ADAMTSL1: variants seen among roughly 807,000 people sequenced by gnomAD.
ADAMTSL1 encodes the protein ADAMTS-like protein 1.
ADAMTSL1 carries 126 observed loss-of-function variants against 201.8 expected under a neutral mutation model. The observed-to-expected ratio is 0.62, with a 90% CI of 0.54 to 0.72. The LOEUF is 0.72. ADAMTSL1 is among the 30% of genes least tolerant of loss of function. ADAMTSL1 has a pLI of 0.00. For synonymous variants in ADAMTSL1, 1,121 were observed against 903.4 expected, an observed-to-expected ratio of 1.24 and a Z score of -4.32; for missense variants, 2,679 against 2,277.8, an observed-to-expected ratio of 1.18 and a Z score of -3.59.
chr9:18,452,070 C>A (rs775621941), intron 2 of ADAMTSL1, among the ~76,000 whole-genome samples: 1 of 152,158 alleles, frequency 6.6e-6, no homozygotes, highest in African/African-American at 2.4e-5. Flanking sequence ...AGTGCCACCA[C>A]GCCTGGCTAA....
chr9:18,777,524 C>T lies in ADAMTSL1; in HGVS notation c.3295C>T (p.His1099Tyr), dbSNP rs1191247755. The change falls in exon 19 of 29, where the codon CAC (histidine) becomes TAC (tyrosine). Residue 1099 changes from histidine (H) to tyrosine (Y), a missense_variant. Coordinates refer to ENST00000380548, the MANE Select transcript of ADAMTSL1 (RefSeq NM_001040272.6). Reference protein sequence around the residue: ...PEELRDLYSKHLVAQLAQEIF... With the variant: ...PEELRDLYSKYLVAQLAQEIF... ...GGAGCTGCGCGACCTCTACAGCAAG[C>T]ACCTGGTGGCCCAGCTGGCCCAGGA... is the stretch of plus-strand genomic sequence containing the variant. 1 of 1,601,644 alleles carries T rather than the reference C, an allele frequency of 6.2e-7. No individual in the cohort carries two copies. Among genetic ancestry groups the T allele is most frequent in the South Asian group, 1.1e-5 (1 of 88,886 alleles).
chr9:18,250,721 GC>G (rs375983879), intron 2 of ADAMTSL1, among the ~76,000 whole-genome samples: 1 of 152,202 alleles, frequency 6.6e-6, no homozygotes, highest in African/African-American at 2.4e-5. Context: ...GGAAGAGGGG[GC>G]TTCTTGTTCC....
chr9:18,732,777 AC>A (rs1818288261), intron 15 of ADAMTSL1, among the ~76,000 whole-genome samples: 2 of 152,108 alleles, frequency 1.3e-5, no homozygotes, highest in African/African-American at 4.8e-5. Flanking sequence ...GAGTTAAGGC[AC>A]AGGGCATCTT....
Position 18,444,795 on chromosome 9 carries a change from T to C in ADAMTSL1, c.208-60034T>C, listed in dbSNP as rs77897661. ...CTTTTGTTCAAGTGCAGAAATGCCATATTTAATGTCTTTCCTCCTATTTAT... is the reference window on the plus strand; with the variant it reads ...CTTTTGTTCAAGTGCAGAAATGCCACATTTAATGTCTTTCCTCCTATTTAT... On this transcript the variant is annotated intron_variant, in intron 2 of 29. Transcript: ENST00000680146. 1.1e-3 allele frequency among the ~76,000 whole-genome samples: 174 copies of C among 152,252 alleles called. 1 individual carries two copies. The East Asian group carries it at 0.026, about 22-fold the overall frequency.
intron 2 of ADAMTSL1, among the ~76,000 whole-genome samples, chr9:18,191,193 C>G (rs1047463772): frequency 6.6e-6 from 1 of 152,108 alleles, no homozygotes; most frequent in Non-Finnish European, 1.5e-5. Flanking sequence ...AGGCAGTCAT[C>G]TGGTCCCGGG....
Position 18,228,349 on chromosome 9 carries a change from A to G in ADAMTSL1, c.207+64368A>G, listed in dbSNP as rs73645742. 1.0e-2 allele frequency among the ~76,000 whole-genome samples: 1,518 copies of G among 152,290 alleles called. 24 individuals are homozygous for G. Among genetic ancestry groups the G allele is most frequent in the African/African-American group, 0.034 (1,424 of 41,558 alleles). Reference sequence around the variant, plus strand: ...GAGGAGGAAAGGTGGGGCTAGAGTCATTTTGGCCAAATCCTCTCATGCTGC... The same window carrying G: ...GAGGAGGAAAGGTGGGGCTAGAGTCGTTTTGGCCAAATCCTCTCATGCTGC... On this transcript the variant is annotated intron_variant, in intron 2 of 29. Coordinates refer to the ADAMTSL1 transcript ENST00000680146.
chr9:18,616,763 C>CT (rs985440983), intron 4 of ADAMTSL1, among the ~76,000 whole-genome samples: 2 of 152,030 alleles, frequency 1.3e-5, no homozygotes, highest in Non-Finnish European at 2.9e-5. Context: ...TTACCTTTGC[C>CT]TTTTTGCTCC....
At chr9:18,830,606 G>A (rs796526825) in intron 23 of ADAMTSL1, among the ~76,000 whole-genome samples, 65 of 152,198 alleles carry the variant, frequency 4.3e-4, no homozygotes, top group African/African-American at 1.5e-3. Flanking sequence ...GGAGTTGTAC[G>A]AGGGCATTCA....
intron 23 of ADAMTSL1, among the ~76,000 whole-genome samples, chr9:18,833,307 T>C (rs1314692910): frequency 2.0e-5 from 3 of 152,226 alleles, no homozygotes; most frequent in African/African-American, 7.2e-5. Context: ...GTTGAACTAA[T>C]TTACACTCCC....
chr9:18,636,769 G>A (rs1049618826), intron 6 of ADAMTSL1, among the ~76,000 whole-genome samples: 1 of 152,118 alleles, frequency 6.6e-6, no homozygotes, highest in African/African-American at 2.4e-5. Flanking sequence ...AAGAGGATGG[G>A]AGGGGATATG....
At chr9:18,577,138 A>C (rs760846762) in intron 4 of ADAMTSL1, among the ~76,000 whole-genome samples, 1 of 152,184 alleles carries the variant, frequency 6.6e-6, no homozygotes, top group South Asian at 2.1e-4. Context: ...TTATGATTCT[A>C]TCATGGCCAG....
At chr9:18,180,871 C>G (rs1462883991) in intron 2 of ADAMTSL1, among the ~76,000 whole-genome samples, 1 of 152,196 alleles carries the variant, frequency 6.6e-6, no homozygotes, top group Non-Finnish European at 1.5e-5. Flanking sequence ...CATCACACTA[C>G]TTGACTTCAA....
At position 18,462,910 on chromosome 9, in the gene ADAMTSL1, G is replaced by C. The variant is rs1302137964; in HGVS notation, c.208-41919G>C. On this transcript the variant is annotated intron_variant, in intron 2 of 29. Transcript: ENST00000680146. ...GCCGAGGGAGCACCACTGCACTCCAGCCTGGGCGACAGAGTGAGAATCCAT... is the reference window on the plus strand; with the variant it reads ...GCCGAGGGAGCACCACTGCACTCCACCCTGGGCGACAGAGTGAGAATCCAT... Among the ~76,000 whole-genome samples, 3 of 151,946 alleles carry C rather than the reference G, an allele frequency of 2.0e-5. No homozygotes were observed. In the East Asian group the frequency reaches 5.8e-4, roughly 29 times the overall value.
intron 1 of ADAMTSL1, among the ~76,000 whole-genome samples, chr9:18,071,187 G>C (rs954278393): frequency 3.9e-5 from 6 of 152,178 alleles, no homozygotes; most frequent in African/African-American, 1.4e-4. Flanking sequence ...TCCCCAAGTT[G>C]ACAATAGTCC....
intron 1 of ADAMTSL1, among the ~76,000 whole-genome samples, chr9:18,138,847 C>G (rs944179198): frequency 6.6e-6 from 1 of 152,146 alleles, no homozygotes; most frequent in Non-Finnish European, 1.5e-5. Flanking sequence ...ATCTAACGCT[C>G]TGCCTCAAGT....
intron 1 of ADAMTSL1, among the ~76,000 whole-genome samples, chr9:17,914,991 A>G (rs1277470303): frequency 6.6e-6 from 1 of 152,076 alleles, no homozygotes; most frequent in Non-Finnish European, 1.5e-5. Context: ...TTTTTTTACC[A>G]TAATAATTTT....
intron 7 of ADAMTSL1, among the ~76,000 whole-genome samples, chr9:18,648,482 T>G (rs1421768197): frequency 6.6e-6 from 1 of 152,302 alleles, no homozygotes; most frequent in African/African-American, 2.4e-5. Context: ...CTTCCTAGTC[T>G]TGATGGTCTT....
intron 7 of ADAMTSL1, among the ~76,000 whole-genome samples, chr9:18,641,477 G>T (rs1348890298): frequency 6.6e-6 from 1 of 152,066 alleles, no homozygotes; most frequent in Non-Finnish European, 1.5e-5. Context: ...AGTTCACACT[G>T]ATGGGAAGCC....
chr9:18,552,982 T>C (rs2132231640), intron 3 of ADAMTSL1, among the ~76,000 whole-genome samples: 1 of 151,786 alleles, frequency 6.6e-6, no homozygotes, highest in Non-Finnish European at 1.5e-5. Flanking sequence ...GCTGTCACTA[T>C]GGTTACTGAT....
Sources: gnomAD v4.1 joint callset for allele counts (sites outside exome capture counted in the v4.1 genomes callset) on GRCh38, gnomAD v4.1.1 for gene constraint, MANE v1.5 for transcripts, NCBI Gene and HGNC (gene_info 2026-07-23, HGNC 2026-07-21) for gene names.